The following RHOH variants were observed in gnomAD, a reference collection of about 807,000 sequenced individuals.
The protein encoded by RHOH is rho-related GTP-binding protein RhoH.
RHOH carries 6 observed loss-of-function variants against 13.8 expected under a neutral mutation model. The observed-to-expected ratio is 0.44, with a 90% CI of 0.24 to 0.86. RHOH has a LOEUF of 0.86. Ranked by LOEUF, RHOH falls within the 40% of genes least tolerant of loss-of-function variation. The pLI is 0.24. For missense variants in RHOH, 147 were observed against 244.5 expected, an observed-to-expected ratio of 0.60 and a Z score of 2.66; for synonymous variants, 117 against 103.0, an observed-to-expected ratio of 1.14 and a Z score of -0.82.
intron 1 of RHOH, among the ~76,000 whole-genome samples, chr4:40,226,614 A>G (rs114544174): frequency 0.014 from 2,162 of 152,286 alleles, 36 homozygotes; most frequent in South Asian, 0.042. Context: ...ACAATTGCAT[A>G]TCGGCAGCCT....
chr4:40,211,041 G>C (rs376676260), intron 1 of RHOH, among the ~76,000 whole-genome samples: 1 of 152,176 alleles, frequency 6.6e-6, no homozygotes, highest in Non-Finnish European at 1.5e-5. Context: ...GCGTGCCGTA[G>C]AGAATGTCAT....
intron 1 of RHOH, among the ~76,000 whole-genome samples, chr4:40,223,466 C>CTTTTT (rs36119984): frequency 1.1e-5 from 1 of 94,462 alleles, no homozygotes; most frequent in East Asian, 2.6e-4. Flanking sequence ...TGATTGTTAG[C>CTTTTT]TTTTTTTTTT....
chr4:40,214,608 T>A (rs1444796268), intron 1 of RHOH, among the ~76,000 whole-genome samples: 3 of 152,152 alleles, frequency 2.0e-5, no homozygotes, highest in Admixed American at 2.0e-4. Flanking sequence ...TCTGGAGAAG[T>A]TGGATTCATA....
chr4:40,201,998 G>A lies in RHOH; in HGVS notation c.-331+4698G>A, dbSNP rs1472756842. Among the ~76,000 whole-genome samples, 15 of 145,506 alleles carry A rather than the reference G, an allele frequency of 1.0e-4. No individual in the cohort carries two copies. In the Admixed American group the frequency reaches 1.1e-3, roughly 10 times the overall value. On this transcript the variant is annotated intron_variant, in intron 1 of 2. Transcript: ENST00000381799. The stretch of plus-strand genomic sequence containing the variant: ...GACAGGGTCTTGTTTTGTCACCCAG[G>A]CTGGAGTGCAGTGTGTAATCACAGC...
intron 1 of RHOH, among the ~76,000 whole-genome samples, chr4:40,202,419 G>C (rs1308544054): frequency 6.6e-6 from 1 of 152,228 alleles, no homozygotes; most frequent in Non-Finnish European, 1.5e-5. Flanking sequence ...TGGTATGTTA[G>C]AATGGTGAAA....
chr4:40,195,667 A>C (rs2109334547), upstream of RHOH, among the ~76,000 whole-genome samples: 1 of 152,004 alleles, frequency 6.6e-6, no homozygotes, highest in South Asian at 2.1e-4. Flanking sequence ...GCTGGTCCCG[A>C]ACTCCTAGGT....
rs1262461961 is a variant in RHOH, at chr4:40,244,905, G to A, written c.*943G>A. ...AATTTCACAAATTTGTTATAAATTT[G>A]TCTAAACTGAGCTGTTGTGGCAACA... On this transcript the variant is annotated 3_prime_UTR_variant, in exon 3 of 3. Coordinates refer to ENST00000381799, the MANE Select transcript of RHOH (RefSeq NM_004310.5). 6.2e-6 allele frequency: 1 copy of A among 160,782 alleles called. No homozygotes were observed. Among genetic ancestry groups the A allele is most frequent in the Non-Finnish European group, 1.4e-5 (1 of 73,166 alleles). 10.0% of individuals were successfully genotyped at this position (160,782 alleles called of 1,614,324 possible). A position where few individuals can be genotyped will look rare whatever the true frequency, so the allele number is the denominator to read the frequency against.
At chr4:40,225,721 A>G (rs1727144783) in intron 1 of RHOH, among the ~76,000 whole-genome samples, 1 of 152,126 alleles carries the variant, frequency 6.6e-6, no homozygotes, top group Admixed American at 6.5e-5. Context: ...AGAAAAATGT[A>G]TTTCCGGCCT....
intron 1 of RHOH, among the ~76,000 whole-genome samples, chr4:40,238,761 G>A (rs1473517849): frequency 1.3e-5 from 2 of 152,184 alleles, no homozygotes; most frequent in African/African-American, 2.4e-5. Flanking sequence ...CACCCATGAC[G>A]CTCTCGTAAC....
rs147727171 is a variant in RHOH at position 40,218,786 on chromosome 4, T to G, written c.-331+21486T>G. ...TGCGGATGAAAAAACAGGTTTGGAGTGGCTAAATGGCGTAAGCAAGGTCGT... is the reference window on the plus strand; with the variant it reads ...TGCGGATGAAAAAACAGGTTTGGAGGGGCTAAATGGCGTAAGCAAGGTCGT... On this transcript the variant is annotated intron_variant, in intron 1 of 2. Transcript: ENST00000381799. This position sits in a 1 kb window ranked among gnomAD's most constrained non-coding sequence, Gnocchi z 4.1. Among the ~76,000 whole-genome samples the G allele has an allele frequency of 6.4e-4, 97 of 152,088 alleles. 1 individual carries two copies. The highest frequency in any genetic ancestry group is 2.3e-3 in the African/African-American group (95 of 41,466).
At chr4:40,242,102 G>A (rs1005206961) in intron 1 of RHOH, among the ~76,000 whole-genome samples, 9 of 152,136 alleles carry the variant, frequency 5.9e-5, no homozygotes, top group African/African-American at 2.2e-4. Context: ...CTTTTCCTTC[G>A]TCTGGAGCTG....
intron 1 of RHOH, chr4:40,200,556 C>T (rs1723835041): frequency 6.6e-6 from 1 of 152,112 alleles, no homozygotes; most frequent in African/African-American, 2.4e-5. Flanking sequence ...CTACCAGGGC[C>T]CCAGAAACCG....
intron 1 of RHOH, among the ~76,000 whole-genome samples, chr4:40,229,436 G>A (rs1447133420): frequency 2.0e-5 from 3 of 151,998 alleles, no homozygotes; most frequent in Admixed American, 1.3e-4. Flanking sequence ...GGGAGTTTGA[G>A]ACCAGCCTGA....
intron 1 of RHOH, among the ~76,000 whole-genome samples, chr4:40,225,652 G>C (rs904721487): frequency 6.6e-6 from 1 of 152,180 alleles, no homozygotes; most frequent in Admixed American, 6.5e-5. Flanking sequence ...GACTGAGGAA[G>C]AATCTTTAAA....
At chr4:40,196,824 C>T (rs191952114), upstream of RHOH, 89 of 151,216 alleles carry the variant, frequency 5.9e-4, no homozygotes, top group African/African-American at 2.1e-3. Flanking sequence ...AACATAGTCT[C>T]GGAGTAGGGT....
chr4:40,239,999 G>A (rs1414431024), intron 1 of RHOH: 1 of 152,228 alleles, frequency 6.6e-6, no homozygotes, highest in Non-Finnish European at 1.5e-5. Flanking sequence ...TGAGGCTTAA[G>A]GAGGTTAAGA....
In RHOH at chr4:40,200,990, G is replaced by A. The variant is rs946950506; in HGVS notation, c.-331+3690G>A. Among the ~76,000 whole-genome samples, 14 of 152,272 alleles carry A rather than the reference G, an allele frequency of 9.2e-5. No individual in the cohort carries two copies. In the East Asian group the frequency reaches 1.3e-3, roughly 15 times the overall value. ...TTCTTATCTCTGCACTCAGTTTCTC[G>A]TAAAACTGAAGTCACAGTGACCTCT... On this transcript the variant is annotated intron_variant, in intron 1 of 2. Transcript: ENST00000381799.
intron 1 of RHOH, among the ~76,000 whole-genome samples, chr4:40,226,542 A>G (rs898867206): frequency 6.6e-5 from 10 of 151,556 alleles, no homozygotes; most frequent in African/African-American, 2.4e-4. Context: ...AAAAAAAAAA[A>G]AAAGAAAAAG....
At chr4:40,240,791 AAAAT>A (rs35694869) in intron 1 of RHOH, among the ~76,000 whole-genome samples, 2 of 151,932 alleles carry the variant, frequency 1.3e-5, no homozygotes, top group Admixed American at 6.6e-5. Context: ...AAATAAAATT[AAAAT>A]AAATAAATAA....
Sources: gnomAD v4.1 joint callset for allele counts (sites outside exome capture counted in the v4.1 genomes callset) on GRCh38, gnomAD v4.1.1 for gene constraint, Gnocchi (gnomAD v3.1) non-coding constraint, MANE v1.5 for transcripts, NCBI Gene and HGNC (gene_info 2026-07-23, HGNC 2026-07-21) for gene names.